EPB41L2: variants seen among roughly 807,000 people sequenced by gnomAD.
EPB41L2 encodes the protein band 4.1-like protein 2.
Under a neutral mutation model 113.0 loss-of-function variants are expected in EPB41L2, and 43 were observed. The observed-to-expected ratio is 0.38, with a 90% CI of 0.30 to 0.49. The LOEUF is 0.49. EPB41L2 is among the 20% of genes least tolerant of loss of function. EPB41L2 has a pLI of 0.95. For missense variants in EPB41L2, 1,147 were observed against 1,223.4 expected, an observed-to-expected ratio of 0.94 and a Z score of 0.93; for synonymous variants, 442 against 436.7, an observed-to-expected ratio of 1.01 and a Z score of -0.15.
In EPB41L2 at chr6:130,947,035, T is replaced by TAA. The variant is rs200796070; in HGVS notation, c.705+8068_705+8069dup. Among the ~76,000 whole-genome samples the TAA allele has an allele frequency of 9.4e-3, 1,090 of 116,516 alleles. 24 individuals are homozygous for TAA. Among genetic ancestry groups the TAA allele is most frequent in the African/African-American group, 0.043 (1,042 of 24,242 alleles). The allele number at this position is 116,516 out of a possible 152,430, so 76.4% of individuals were successfully genotyped here. A position where few individuals can be genotyped will look rare whatever the true frequency, so the allele number is the denominator to read the frequency against. On this transcript the variant is annotated intron_variant, in intron 3 of 19. Transcript: ENST00000337057. ...AAAGAAGACCCCCCCCCCAGCCCCT[T>TAA]AAATTACTGCAGCCATATAGCTAGC...
chr6:130,954,759 G>C (rs1368700416), intron 3 of EPB41L2, among the ~76,000 whole-genome samples: 1 of 152,216 alleles, frequency 6.6e-6, no homozygotes, highest in Non-Finnish European at 1.5e-5. Context: ...TTGGGGCTAA[G>C]TTTACTGCTG....
At chr6:130,880,099 C>T (rs1399603141) in intron 13 of EPB41L2, 45 bp downstream of exon 13, 1 of 1,444,370 alleles carries the variant, frequency 6.9e-7, no homozygotes, top group East Asian at 2.3e-5. Context: ...TCCACAGCAG[C>T]CGGGCAGCCA....
intron 14 of EPB41L2, among the ~76,000 whole-genome samples, chr6:130,873,795 T>C (rs1391330041): frequency 6.6e-6 from 1 of 152,120 alleles, no homozygotes; most frequent in Non-Finnish European, 1.5e-5. Context: ...GAAAAATCAA[T>C]GACGCTCCTA....
intron 3 of EPB41L2, among the ~76,000 whole-genome samples, chr6:130,953,028 A>T (rs992438687): frequency 2.7e-5 from 4 of 149,784 alleles, no homozygotes; most frequent in Non-Finnish European, 4.4e-5. Flanking sequence ...ATAAAAGGGC[A>T]TTCTAGATGA....
chr6:130,884,434 A>C (rs1245928523), intron 12 of EPB41L2, among the ~76,000 whole-genome samples: 3 of 152,248 alleles, frequency 2.0e-5, no homozygotes, highest in Non-Finnish European at 4.4e-5. Flanking sequence ...ATGCAAAAAA[A>C]AGTCGCTTTG....
At chr6:130,905,119 G>T (rs905349737) in intron 5 of EPB41L2, among the ~76,000 whole-genome samples, 1 of 152,092 alleles carries the variant, frequency 6.6e-6, no homozygotes, top group South Asian at 2.1e-4. Context: ...TAGAGTAGGT[G>T]TAAGTATATT....
intron 7 of EPB41L2, among the ~76,000 whole-genome samples, chr6:130,900,416 A>G (rs1290990825): frequency 6.6e-6 from 1 of 152,236 alleles, no homozygotes; most frequent in African/African-American, 2.4e-5. Context: ...TCACACACAT[A>G]TAAATGTTCT....
At chr6:130,903,208 G>C (rs892635307) in intron 6 of EPB41L2, among the ~76,000 whole-genome samples, 3 of 152,058 alleles carry the variant, frequency 2.0e-5, no homozygotes, top group African/African-American at 7.3e-5. Context: ...GGGTCACAAA[G>C]CCCCAGTTAC....
chr6:130,994,858 T>A (rs1025006004), intron 1 of EPB41L2, among the ~76,000 whole-genome samples: 1 of 152,114 alleles, frequency 6.6e-6, no homozygotes, highest in Non-Finnish European at 1.5e-5. Flanking sequence ...ATTGCCTCCT[T>A]TGGAGAGGCT....
At chr6:131,015,036 T>C (rs1479524237) in intron 1 of EPB41L2, among the ~76,000 whole-genome samples, 1 of 152,192 alleles carries the variant, frequency 6.6e-6, no homozygotes, top group Non-Finnish European at 1.5e-5. Flanking sequence ...TTTTTCCAAC[T>C]TAAATAAACT....
At chr6:131,006,714 T>C (rs561639269) in intron 1 of EPB41L2, among the ~76,000 whole-genome samples, 1 of 152,138 alleles carries the variant, frequency 6.6e-6, no homozygotes, top group East Asian at 1.9e-4. Context: ...TTAGATTTTT[T>C]AGCATTTTTT....
Position 130,901,181 on chromosome 6 carries a change from CTG to C in EPB41L2, c.930-3_930-2del. ...CCGGAGCTGAAGGCACAAGAAGTAT[CTG>C]TGAGGAGCAGAGGGAGAAATGGGTC... is the stretch of plus-strand genomic sequence containing the variant. On this transcript the variant is annotated splice_acceptor_variant and splice_polypyrimidine_tract_variant and intron_variant, in intron 6 of 19. Coordinates refer to ENST00000337057, the MANE Select transcript of EPB41L2 (RefSeq NM_001431.4). LOFTEE classifies it high-confidence loss of function. 1 of 1,612,820 alleles carries C rather than the reference CTG, an allele frequency of 6.2e-7. No individual in the cohort carries two copies. Among genetic ancestry groups the C allele is most frequent in the Non-Finnish European group, 8.5e-7 (1 of 1,179,846 alleles).
chr6:130,973,783 T>C (rs987239845), intron 1 of EPB41L2, among the ~76,000 whole-genome samples: 2 of 152,234 alleles, frequency 1.3e-5, no homozygotes, highest in Non-Finnish European at 2.9e-5. Context: ...ATGTTCATCT[T>C]ACATATGTTG....
At chr6:130,953,848 G>A (rs925199021) in intron 3 of EPB41L2, among the ~76,000 whole-genome samples, 1 of 151,754 alleles carries the variant, frequency 6.6e-6, no homozygotes, top group South Asian at 2.1e-4. Context: ...CATCCTGGAA[G>A]CAGAGATCAA....
At chr6:130,946,947 C>A (rs372581380) in intron 3 of EPB41L2, among the ~76,000 whole-genome samples, 1 of 151,334 alleles carries the variant, frequency 6.6e-6, no homozygotes, top group Admixed American at 6.6e-5. Context: ...ATGTTCTAAT[C>A]GCATCACAAA....
At chr6:130,911,932 C>T (rs569939096) in intron 4 of EPB41L2, among the ~76,000 whole-genome samples, 7 of 152,162 alleles carry the variant, frequency 4.6e-5, no homozygotes, top group African/African-American at 1.7e-4. Flanking sequence ...TGGTACCGAT[C>T]GTGGCCTATT....
chr6:130,989,687 A>C (rs1173059270), intron 1 of EPB41L2, among the ~76,000 whole-genome samples: 1 of 152,236 alleles, frequency 6.6e-6, no homozygotes, highest in African/African-American at 2.4e-5. Flanking sequence ...ATTATTTGTC[A>C]ATGTTGGGAT....
chr6:130,940,952 CCTG>C (rs890342629), intron 3 of EPB41L2, among the ~76,000 whole-genome samples: 14 of 152,044 alleles, frequency 9.2e-5, no homozygotes, highest in South Asian at 4.1e-4. Flanking sequence ...TGTATAAACA[CCTG>C]CTATTACTGT....
chr6:130,885,155 C>A lies in EPB41L2; in HGVS notation c.1774G>T (p.Gly592Cys), dbSNP rs776824214. The part of the protein sequence containing the change: ...VSIAVVQDGD[G>C]RREVRSPTKA... ...GTTGGGCTTCTCACTTCCCTCCTGC[C>A]GTCCCCATCTTGTACCACGGCAATG... Residue 592 changes from glycine to cysteine, a missense_variant, in exon 12 of 20, where the codon GGC becomes TGC. Physicochemically the swap from Gly to Cys is radical, Grantham distance 159. Coordinates refer to ENST00000337057, the MANE Select transcript of EPB41L2 (RefSeq NM_001431.4). 6.2e-7 allele frequency: 1 copy of A among 1,614,016 alleles called. No individual in the cohort carries two copies. Among genetic ancestry groups the A allele is most frequent in the African/African-American group, 1.3e-5 (1 of 74,930 alleles).
Sources: allele counts gnomAD v4.1 joint callset (sites outside exome capture counted in the v4.1 genomes callset), GRCh38; gene constraint gnomAD v4.1.1; transcripts MANE v1.5; gene names NCBI Gene and HGNC (gene_info 2026-07-23, HGNC 2026-07-21).